PRKCB: variants seen among roughly 807,000 people sequenced by gnomAD.
The protein encoded by PRKCB is protein kinase C beta.
A neutral mutation model predicts 81.5 loss-of-function variants in PRKCB; 13 were observed. The observed-to-expected ratio is 0.16, with a 90% CI of 0.10 to 0.25. The LOEUF (loss-of-function observed/expected upper bound fraction) is 0.25. Ranked by LOEUF, PRKCB falls within the 10% of genes least tolerant of loss-of-function variation. PRKCB has a pLI of 1.00. For missense variants in PRKCB, 509 were observed against 875.7 expected, an observed-to-expected ratio of 0.58 and a Z score of 5.29; for synonymous variants, 335 against 321.4, an observed-to-expected ratio of 1.04 and a Z score of -0.45.
chr16:24,154,533 T>C, intron 9 of PRKCB, 151 bp from the exon 10 acceptor site: 2 of 692,178 alleles, frequency 2.9e-6, no homozygotes, highest in Non-Finnish European at 4.7e-6. Context: ...AATATAAAAG[T>C]GTGAAGTCAA....
intron 2 of PRKCB, among the ~76,000 whole-genome samples, chr16:23,848,329 C>T (rs897114927): frequency 1.3e-5 from 2 of 152,086 alleles, no homozygotes; most frequent in Non-Finnish European, 2.9e-5. Context: ...AAATTCTAGG[C>T]CTGCAGTGAT....
At chr16:24,054,796 C>CAAATGTT (rs1965884432) in intron 5 of PRKCB, among the ~76,000 whole-genome samples, 1 of 152,220 alleles carries the variant, frequency 6.6e-6, no homozygotes, top group African/African-American at 2.4e-5. Flanking sequence ...CTAACAGTCT[C>CAAATGTT]TTGAAAACAT....
chr16:24,096,745 T>A lies in PRKCB; in HGVS notation c.821+2448T>A, dbSNP rs1432381473. On this transcript the variant is annotated intron_variant, in intron 7 of 16. Coordinates refer to ENST00000643927, the MANE Select transcript of PRKCB (RefSeq NM_002738.7). ...CAACAGAGAGGCTGGGTAAGCCCCCTTGGCAACTGTTTCACAGTTAACTGA... is the reference window on the plus strand; with the variant it reads ...CAACAGAGAGGCTGGGTAAGCCCCCATGGCAACTGTTTCACAGTTAACTGA... Among the ~76,000 whole-genome samples the A allele has an allele frequency of 2.2e-4, 32 of 142,672 alleles. 1 individual carries two copies. The highest frequency in any genetic ancestry group is 1.8e-3 in the Admixed American group (25 of 13,998). 93.6% of individuals were successfully genotyped at this position (142,672 alleles called of 152,430 possible). A position where few individuals can be genotyped will look rare whatever the true frequency, so the allele number is the denominator to read the frequency against.
chr16:23,982,050 C>T (rs1422819969), intron 2 of PRKCB, among the ~76,000 whole-genome samples: 1 of 125,474 alleles, frequency 8.0e-6, no homozygotes, highest in East Asian at 2.6e-4. Flanking sequence ...CTTCCCCTTC[C>T]CTTTCCCTTC....
chr16:24,029,762 T>C (rs1289716071), intron 3 of PRKCB, among the ~76,000 whole-genome samples: 1 of 152,296 alleles, frequency 6.6e-6, no homozygotes, highest in East Asian at 1.9e-4. Flanking sequence ...GAGGCATCTG[T>C]GGCAGCATCA....
At position 24,185,515 on chromosome 16, in the gene PRKCB, A is replaced by C. The variant is rs780076694; in HGVS notation, c.1670A>C (p.Asn557Thr). The change falls in exon 15 of 17, where the codon AAC (asparagine) becomes ACC (threonine). Residue 557 changes from asparagine (N) to threonine (T), a missense_variant. Around this residue, in one of 6 missense-constraint regions of PRKCB, gnomAD observed 104 missense variants for 160.5 expected, o/e 0.65. Transcript: ENST00000643927. ...DELFQSIMEH[N>T]VAYPKSMSKE... is the part of the protein sequence containing the mutation. ...CTCTTCCAATCCATCATGGAACACAACGTAGCCTATCCCAAGTCTATGTCC... is the reference window on the plus strand; with the variant it reads ...CTCTTCCAATCCATCATGGAACACACCGTAGCCTATCCCAAGTCTATGTCC... 2 of 1,614,144 alleles carry C rather than the reference A, an allele frequency of 1.2e-6. No individual in the cohort carries two copies. Among genetic ancestry groups the C allele is most frequent in the Non-Finnish European group, 1.7e-6 (2 of 1,179,980 alleles).
At chr16:24,080,062 T>C (rs1966229712) in intron 5 of PRKCB, among the ~76,000 whole-genome samples, 1 of 152,196 alleles carries the variant, frequency 6.6e-6, no homozygotes, top group Non-Finnish European at 1.5e-5. Flanking sequence ...AGATTTTTGT[T>C]TGAAGAGTGT....
chr16:23,868,718 T>A (rs1962850050), intron 2 of PRKCB, among the ~76,000 whole-genome samples: 1 of 152,252 alleles, frequency 6.6e-6, no homozygotes, highest in African/African-American at 2.4e-5. Context: ...AGAGTTTGTC[T>A]AATAAGATTT....
intron 16 of PRKCB, among the ~76,000 whole-genome samples, chr16:24,210,377 A>C (rs527409158): frequency 8.9e-4 from 135 of 152,068 alleles, no homozygotes; most frequent in Non-Finnish European, 1.6e-3. Flanking sequence ...CCCTCTGCCT[A>C]GCATGCCTTT....
intron 3 of PRKCB, among the ~76,000 whole-genome samples, chr16:24,012,509 C>A (rs1374320337): frequency 6.6e-6 from 1 of 152,226 alleles, no homozygotes; most frequent in Non-Finnish European, 1.5e-5. Context: ...TGCTTCCTCT[C>A]TGTCTCACTG....
In PRKCB at chr16:24,046,049, G is replaced by A. The variant is rs78603558; in HGVS notation, c.529+10502G>A. On this transcript the variant is annotated intron_variant, in intron 5 of 16. Coordinates refer to ENST00000643927, the MANE Select transcript of PRKCB (RefSeq NM_002738.7). ...TGCATGTCCTGGCCTGGTGCAGCAT[G>A]AGCTTCTGGCTTGAGCCATTTGTGT... Among the ~76,000 whole-genome samples the A allele has an allele frequency of 1.7e-3, 264 of 152,380 alleles. 1 individual carries two copies. The highest frequency in any genetic ancestry group is 5.9e-3 in the African/African-American group (246 of 41,598).
intron 2 of PRKCB, among the ~76,000 whole-genome samples, chr16:23,943,670 G>A (rs1489276688): frequency 1.3e-5 from 2 of 152,200 alleles, no homozygotes; most frequent in Non-Finnish European, 2.9e-5. Context: ...TGCATTTTAC[G>A]TAGGAAAAAT....
chr16:24,142,119 G>A (rs1966910535), intron 9 of PRKCB, among the ~76,000 whole-genome samples: 1 of 152,072 alleles, frequency 6.6e-6, no homozygotes, highest in South Asian at 2.1e-4. Flanking sequence ...TATGGATTGG[G>A]GAACTGAGAC....
At chr16:24,198,460 A>G (rs1967910613) in intron 16 of PRKCB, among the ~76,000 whole-genome samples, 1 of 152,234 alleles carries the variant, frequency 6.6e-6, no homozygotes, top group Non-Finnish European at 1.5e-5. Context: ...GAAGAGGAAG[A>G]GAAAGCTAAG....
intron 16 of PRKCB, among the ~76,000 whole-genome samples, chr16:24,214,369 A>G (rs1968191251): frequency 6.6e-6 from 1 of 152,104 alleles, no homozygotes; most frequent in Admixed American, 6.5e-5. Context: ...TGGCCCCACC[A>G]TCTCATGCCT....
chr16:23,850,033 T>G (rs1452442085), intron 2 of PRKCB, among the ~76,000 whole-genome samples: 1 of 152,230 alleles, frequency 6.6e-6, no homozygotes, highest in African/African-American at 2.4e-5. Context: ...GACTACGACT[T>G]TATTAGATTC....
intron 9 of PRKCB, among the ~76,000 whole-genome samples, chr16:24,149,987 C>T (rs1034455070): frequency 1.3e-5 from 2 of 152,090 alleles, no homozygotes; most frequent in Admixed American, 1.3e-4. Context: ...TTTTTTTCCC[C>T]CTGCCTCAAA....
chr16:23,875,925 A>C (rs565930168), intron 2 of PRKCB, among the ~76,000 whole-genome samples: 2 of 152,140 alleles, frequency 1.3e-5, no homozygotes, highest in Non-Finnish European at 2.9e-5. Context: ...GCATTCCTTC[A>C]TGGCACCAGG....
At chr16:24,090,751 G>A (rs552508366) in intron 5 of PRKCB, among the ~76,000 whole-genome samples, 1 of 152,234 alleles carries the variant, frequency 6.6e-6, no homozygotes, top group South Asian at 2.1e-4. Flanking sequence ...AGATAGTAGG[G>A]TACTTGAAAC....
Sources: allele counts gnomAD v4.1 joint callset (sites outside exome capture counted in the v4.1 genomes callset), GRCh38; gene constraint gnomAD v4.1.1; regional missense constraint gnomAD v4.1.1; transcripts MANE v1.5; gene names NCBI Gene and HGNC (gene_info 2026-07-23, HGNC 2026-07-21).